LHPP: variants seen among roughly 807,000 people sequenced by gnomAD.
LHPP encodes the protein phospholysine phosphohistidine inorganic pyrophosphate phosphatase, also known as hLHPP.
LHPP carries 24 observed loss-of-function variants against 30.3 expected under a neutral mutation model. That is an observed-to-expected ratio of 0.79 (90% CI 0.57 to 1.11). The LOEUF (loss-of-function observed/expected upper bound fraction) is 1.11, where lower values mean the gene tolerates loss of function less well. Among genes scored for constraint, LHPP ranks in the 50% most tolerant of loss-of-function variants. The pLI, the probability that LHPP is intolerant of heterozygous loss-of-function variation, is 0.00. For synonymous variants in LHPP, 150 were observed against 157.1 expected (o/e 0.95, Z 0.34); for missense variants, 356 against 367.2 (o/e 0.97, Z 0.25).
At chr10:124,530,502 ACT>A (rs1382413648) in intron 6 of LHPP, among the ~76,000 whole-genome samples, 3 of 151,170 alleles carry the variant, frequency 2.0e-5, no homozygotes, top group South Asian at 2.1e-4. Flanking sequence ...ACAGGTGCCC[ACT>A]CTCATGCTGG....
rs1948939844 is a variant in LHPP at position 124,596,206 on chromosome 10, G to A, written c.717-17058G>A. On this transcript the variant is annotated intron_variant, in intron 6 of 6. Transcript: ENST00000368842. The surrounding 1 kb of genome is among the most constrained non-coding windows in gnomAD (Gnocchi z 4.6). ...GCTTGGGGTCCTTATGAACAGAGCT[G>A]ATCAGAACATATCTGTCCATGGCTC... Among the ~76,000 whole-genome samples the A allele has an allele frequency of 1.3e-5, 2 of 152,062 alleles. No individual in the cohort carries two copies. The highest frequency in any genetic ancestry group is 4.8e-5 in the African/African-American group (2 of 41,412).
At chr10:124,551,711 C>T (rs1948170969) in intron 6 of LHPP, among the ~76,000 whole-genome samples, 1 of 152,124 alleles carries the variant, frequency 6.6e-6, no homozygotes, top group Non-Finnish European at 1.5e-5. Flanking sequence ...GCGGGCTTGG[C>T]CGGCCCCCCG....
In LHPP at chr10:124,517,197, C is replaced by T. The variant is rs750853265; in HGVS notation, c.642C>T (p.Asp214=). Residue 214 remains aspartate, a synonymous_variant, in exon 6 of 7, where the codon GAC becomes GAT. Transcript: ENST00000368842. The surrounding 1 kb of genome is among the most constrained non-coding windows in gnomAD (Gnocchi z 4.1). ...CGTGACAGGCCGTCATGATTGGGGACGATATCGTGGGCGACGTCGGCGGTG... is the reference window on the plus strand; with the variant it reads ...CGTGACAGGCCGTCATGATTGGGGATGATATCGTGGGCGACGTCGGCGGTG... ...VEAHQAVMIG[D]DIVGDVGGAQ... 3.7e-6 allele frequency: 6 copies of T among 1,605,570 alleles called. No individual in the cohort carries two copies. The highest frequency in any genetic ancestry group is 2.7e-5 in the African/African-American group (2 of 74,596).
intron 1 of LHPP, among the ~76,000 whole-genome samples, chr10:124,474,983 T>G (rs533107216): frequency 1.3e-5 from 2 of 151,804 alleles, no homozygotes; most frequent in South Asian, 4.2e-4. Context: ...CCACAGCAAT[T>G]ACTGCCATTT....
In LHPP at chr10:124,484,343, C is replaced by A. The variant is rs1477947456; in HGVS notation, c.313+17C>A. On this transcript the variant is annotated intron_variant, in intron 2 of 6. Transcript: ENST00000368842. ...TCCATGACGGTAGGCCTGTCGGACA[C>A]CAGGACCTCACGGGGGTGAAAGCTC... 9 of 1,603,330 alleles carry A rather than the reference C, an allele frequency of 5.6e-6. No individual in the cohort carries two copies. Among genetic ancestry groups the A allele is most frequent in the Non-Finnish European group, 7.7e-6 (9 of 1,171,698 alleles).
At position 124,510,198 on chromosome 10, in the gene LHPP, C is replaced by A. The variant is rs1954264246; in HGVS notation, c.625-6982C>A. The stretch of plus-strand genomic sequence containing the variant: ...TATTTTTATTTCCCCTGACAGCGCA[C>A]CTCCTGACCTCTATCTTCTTGCCAG... On this transcript the variant is annotated intron_variant, in intron 5 of 6. Transcript: ENST00000368842. The surrounding 1 kb of genome is among the most constrained non-coding windows in gnomAD (Gnocchi z 4.0). Among the ~76,000 whole-genome samples, 1 of 152,230 alleles carries A rather than the reference C, an allele frequency of 6.6e-6. No homozygotes were observed. Among genetic ancestry groups the A allele is most frequent in the Admixed American group, 6.5e-5 (1 of 15,278 alleles).
intron 5 of LHPP, among the ~76,000 whole-genome samples, chr10:124,508,354 C>T (rs756549253): frequency 1.2e-4 from 18 of 152,192 alleles, no homozygotes; most frequent in Non-Finnish European, 2.5e-4. Context: ...CCACTTCCAG[C>T]ACTGAAAGAA....
intron 6 of LHPP, among the ~76,000 whole-genome samples, chr10:124,570,727 T>G (rs976214899): frequency 6.6e-6 from 1 of 152,218 alleles, no homozygotes; most frequent in Non-Finnish European, 1.5e-5. Context: ...CGATACATGG[T>G]CTTTTGTGTC....
At chr10:124,570,456 TA>T (rs1948566002) in intron 6 of LHPP, among the ~76,000 whole-genome samples, 1 of 152,268 alleles carries the variant, frequency 6.6e-6, no homozygotes, top group Non-Finnish European at 1.5e-5. Flanking sequence ...GCCAGGTTTT[TA>T]ATTTTGTAAT....
intron 6 of LHPP, among the ~76,000 whole-genome samples, chr10:124,594,619 T>C (rs2134004876): frequency 6.8e-6 from 1 of 147,062 alleles, no homozygotes; most frequent in Admixed American, 7.1e-5. Flanking sequence ...TTTCCTTCAA[T>C]TCAGTAAACT....
intron 6 of LHPP, among the ~76,000 whole-genome samples, chr10:124,538,105 T>C (rs1453515514): frequency 2.7e-5 from 4 of 147,166 alleles, no homozygotes; most frequent in Non-Finnish European, 1.5e-5. Context: ...GGGGTCACCA[T>C]GCGAGTCTCA....
chr10:124,522,598 G>T (rs1309162427), intron 6 of LHPP, among the ~76,000 whole-genome samples: 1 of 152,184 alleles, frequency 6.6e-6, no homozygotes, highest in Non-Finnish European at 1.5e-5. Context: ...TGCTTTTCCT[G>T]CACTTTTCCC....
intron 6 of LHPP, among the ~76,000 whole-genome samples, chr10:124,539,889 G>A (rs886907577): frequency 2.6e-5 from 4 of 151,990 alleles, no homozygotes; most frequent in Admixed American, 1.3e-4. Flanking sequence ...GCGACAGAGC[G>A]AGACCCTGTC....
intron 6 of LHPP, among the ~76,000 whole-genome samples, chr10:124,568,082 T>A (rs903765777): frequency 6.6e-6 from 1 of 152,004 alleles, no homozygotes; most frequent in African/African-American, 2.4e-5. Context: ...CCCGGCTAAT[T>A]TTTTGTATTT....
intron 6 of LHPP, among the ~76,000 whole-genome samples, chr10:124,532,225 C>T (rs548541506): frequency 1.1e-4 from 17 of 152,362 alleles, no homozygotes; most frequent in African/African-American, 3.8e-4. Context: ...TCGGCCATTT[C>T]TCCAAGGAGC....
intron 2 of LHPP, among the ~76,000 whole-genome samples, chr10:124,486,254 G>A (rs889940190): frequency 2.0e-5 from 3 of 152,122 alleles, no homozygotes; most frequent in Non-Finnish European, 2.9e-5. Flanking sequence ...CTCGCACCTT[G>A]CCCAGGTGGT....
chr10:124,478,898 G>A lies in LHPP; in HGVS notation c.126-5241G>A, dbSNP rs923320828. On this transcript the variant is annotated intron_variant, in intron 1 of 6. Transcript: ENST00000368842. This position sits in a 1 kb window ranked among gnomAD's most constrained non-coding sequence, Gnocchi z 4.7. ...AGCCTGGGCAACATGGTGAGACCCC[G>A]TCTCTACTAAAAATATAAAAATTAG... 1.5e-4 allele frequency among the ~76,000 whole-genome samples: 23 copies of A among 152,166 alleles called. No individual in the cohort carries two copies. The highest frequency in any genetic ancestry group is 3.4e-4 in the African/African-American group (14 of 41,530).
At chr10:124,513,070 TGTA>T (rs1486441144) in intron 5 of LHPP, among the ~76,000 whole-genome samples, 1 of 136,664 alleles carries the variant, frequency 7.3e-6, no homozygotes, top group Non-Finnish European at 1.6e-5. Flanking sequence ...TGAGAAGACA[TGTA>T]GTTTGTTTGT....
chr10:124,522,722 C>T lies in LHPP; in HGVS notation c.716+5451C>T, dbSNP rs1445310176. Reference sequence around the variant, plus strand: ...CAGTGGGTAAGTGCACTGCTGCCCACGCCCCCCCCCAAGCACTGTCTGCTC... The same window carrying T: ...CAGTGGGTAAGTGCACTGCTGCCCATGCCCCCCCCCAAGCACTGTCTGCTC... On this transcript the variant is annotated intron_variant, in intron 6 of 6. Transcript: ENST00000368842. 5.7e-5 allele frequency among the ~76,000 whole-genome samples: 7 copies of T among 123,392 alleles called. No homozygotes were observed. The East Asian group carries it at 6.8e-4, about 12-fold the overall frequency. 80.9% of individuals were successfully genotyped at this position (123,392 alleles called of 152,430 possible). A position where few individuals can be genotyped will look rare whatever the true frequency, so the allele number is the denominator to read the frequency against.
Sources: gnomAD v4.1 joint callset for allele counts (sites outside exome capture counted in the v4.1 genomes callset) on GRCh38, gnomAD v4.1.1 for gene constraint, Gnocchi (gnomAD v3.1) non-coding constraint, MANE v1.5 for transcripts, NCBI Gene and HGNC (gene_info 2026-07-23, HGNC 2026-07-21) for gene names.